PTPN13: variants seen among roughly 807,000 people sequenced by gnomAD.
The protein encoded by PTPN13 is protein tyrosine phosphatase non-receptor type 13.
A neutral mutation model predicts 284.0 loss-of-function variants in PTPN13; 191 were observed. The observed-to-expected ratio is 0.67, with a 90% CI of 0.60 to 0.76. The LOEUF (loss-of-function observed/expected upper bound fraction) is 0.76, where lower values mean the gene tolerates loss of function less well. Among genes scored for constraint, PTPN13 ranks in the 30% least tolerant of loss-of-function variants. PTPN13 has a pLI of 0.00. For missense variants in PTPN13, 2,797 were observed against 2,939.9 expected, an observed-to-expected ratio of 0.95 and a Z score of 1.12; for synonymous variants, 986 against 1,022.3, an observed-to-expected ratio of 0.96 and a Z score of 0.68.
At chr4:86,757,994 T>C (rs1738181122) in intron 20 of PTPN13, among the ~76,000 whole-genome samples, 1 of 152,224 alleles carries the variant, frequency 6.6e-6, no homozygotes, top group African/African-American at 2.4e-5. Flanking sequence ...TCATTTAACC[T>C]ATTGAGGTTT....
At position 86,747,340 on chromosome 4, in the gene PTPN13, A is replaced by G. The variant is rs551773001; in HGVS notation, c.2650+2212A>G. Among the ~76,000 whole-genome samples, 203 of 152,352 alleles carry G rather than the reference A, an allele frequency of 1.3e-3. 1 individual carries two copies. In the South Asian group the frequency reaches 0.016, roughly 12 times the overall value. ...ATGATTGCCATAAGATAATACCTAT[A>G]TCAGAAAGTTGTGAAAAGGAAATGA... On this transcript the variant is annotated intron_variant, in intron 17 of 47. Coordinates refer to ENST00000411767, the MANE Select transcript of PTPN13 (RefSeq NM_080683.3).
intron 47 of PTPN13, among the ~76,000 whole-genome samples, chr4:86,812,408 G>A (rs187607186): frequency 2.0e-5 from 3 of 151,870 alleles, no homozygotes; most frequent in Admixed American, 6.6e-5. Context: ...AGATATTCTT[G>A]CAGGATACTG....
chr4:86,625,793 A>G (rs1721771148), intron 1 of PTPN13, among the ~76,000 whole-genome samples: 1 of 152,164 alleles, frequency 6.6e-6, no homozygotes, highest in African/African-American at 2.4e-5. Flanking sequence ...TACAACGTGA[A>G]AGGAATCTTG....
intron 7 of PTPN13, among the ~76,000 whole-genome samples, chr4:86,705,335 A>G (rs1201062143): frequency 6.8e-6 from 1 of 146,072 alleles, no homozygotes; most frequent in Non-Finnish European, 1.5e-5. Flanking sequence ...CTCCGTCTCA[A>G]AAAAAAAAAA....
At chr4:86,737,971 G>A (rs1425704620) in intron 15 of PTPN13, among the ~76,000 whole-genome samples, 1 of 152,046 alleles carries the variant, frequency 6.6e-6, no homozygotes, top group Non-Finnish European at 1.5e-5. Context: ...CTTGTGATCC[G>A]CCCACCTTGG....
intron 40 of PTPN13, among the ~76,000 whole-genome samples, chr4:86,791,730 AC>A (rs1742697131): frequency 6.6e-6 from 1 of 152,218 alleles, no homozygotes; most frequent in East Asian, 1.9e-4. Flanking sequence ...TCTGGAGTGG[AC>A]CTCCAGCAAA....
chr4:86,673,174 C>T (rs1200264674), intron 3 of PTPN13, among the ~76,000 whole-genome samples: 1 of 152,074 alleles, frequency 6.6e-6, no homozygotes, highest in Non-Finnish European at 1.5e-5. Context: ...GGCCATGGGA[C>T]TGGTATGGGG....
rs771948176 is a variant in PTPN13, at chr4:86,735,744, A to G, written c.2302A>G (p.Lys768Glu). Residue 768 changes from lysine to glutamate, a missense_variant and splice_region_variant, in exon 15 of 48, where the codon AAG (lysine) becomes GAG (glutamate). Transcript: ENST00000411767. ...AAAAGAGACAGAGTTAGAATTTTTA[A>G]AGGTAAGCATCCAAGATTACAAATG... is the stretch of plus-strand genomic sequence containing the variant. ...SEKETELEFL[K>E]VCQRLTEYGV... 18 of 1,608,514 alleles carry G rather than the reference A, an allele frequency of 1.1e-5. No homozygotes were observed. In the South Asian group the frequency reaches 1.8e-4, roughly 16 times the overall value.
intron 2 of PTPN13, among the ~76,000 whole-genome samples, chr4:86,656,861 G>A (rs566087638): frequency 6.8e-4 from 103 of 152,324 alleles, no homozygotes; most frequent in African/African-American, 2.4e-3. Context: ...CTTGAGCTGG[G>A]GTGGGCTCCA....
At chr4:86,606,379 A>G (rs925907920) in intron 1 of PTPN13, among the ~76,000 whole-genome samples, 1 of 151,830 alleles carries the variant, frequency 6.6e-6, no homozygotes, top group African/African-American at 2.4e-5. Flanking sequence ...AGTTGGTTTT[A>G]TATTTGCCCC....
chr4:86,688,945 C>A, intron 4 of PTPN13, 60 bp from the exon 5 acceptor site: 1 of 1,339,074 alleles, frequency 7.5e-7, no homozygotes. Context: ...AATGATTTGT[C>A]TCATTAGAAA....
Position 86,756,920 on chromosome 4 carries a change from A to G in PTPN13, c.3224-1340A>G, listed in dbSNP as rs1222816783. ...AGTGAAACCAAAACCTCTAATTTTCAGAAAGCTTCAATATAGTTGAGAAGT... is the reference window on the plus strand; with the variant it reads ...AGTGAAACCAAAACCTCTAATTTTCGGAAAGCTTCAATATAGTTGAGAAGT... On this transcript the variant is annotated intron_variant, in intron 20 of 47. Coordinates refer to ENST00000411767, the MANE Select transcript of PTPN13 (RefSeq NM_080683.3). Among the ~76,000 whole-genome samples, 6 of 152,326 alleles carry G rather than the reference A, an allele frequency of 3.9e-5. No individual in the cohort carries two copies. The East Asian group carries it at 7.7e-4, about 20-fold the overall frequency.
intron 7 of PTPN13, among the ~76,000 whole-genome samples, chr4:86,714,769 T>A (rs1459718084): frequency 6.6e-6 from 1 of 152,180 alleles, no homozygotes; most frequent in East Asian, 1.9e-4. Context: ...CATTTTGTGC[T>A]TGCTATGTAC....
intron 6 of PTPN13, among the ~76,000 whole-genome samples, chr4:86,695,650 CTT>C (rs1435701789): frequency 6.6e-6 from 1 of 151,860 alleles, no homozygotes; most frequent in East Asian, 1.9e-4. Context: ...TTCTCCCTCT[CTT>C]TCTTTGCTCT....
intron 9 of PTPN13, among the ~76,000 whole-genome samples, 161 bp downstream of exon 9, chr4:86,717,278 T>A (rs1733143945): frequency 6.6e-6 from 1 of 151,412 alleles, no homozygotes; most frequent in African/African-American, 2.4e-5. Context: ...AACCTCCTTC[T>A]CCCAGGTTCA....
At chr4:86,686,133 G>A (rs1269241565) in intron 3 of PTPN13, among the ~76,000 whole-genome samples, 2 of 152,194 alleles carry the variant, frequency 1.3e-5, no homozygotes, top group East Asian at 1.9e-4. Context: ...AGGCTAAGGC[G>A]GACAGATTAC....
intron 31 of PTPN13, among the ~76,000 whole-genome samples, chr4:86,772,408 G>T (rs1307351585): frequency 6.6e-6 from 1 of 152,024 alleles, no homozygotes; most frequent in Non-Finnish European, 1.5e-5. Context: ...ACAAAAATTA[G>T]TTGGGCATGG....
chr4:86,603,823 C>T (rs3898298), intron 1 of PTPN13, among the ~76,000 whole-genome samples: 2 of 152,098 alleles, frequency 1.3e-5, no homozygotes, highest in African/African-American at 2.4e-5. Flanking sequence ...GTACCTCGAC[C>T]TAGTGGATAT....
intron 7 of PTPN13, among the ~76,000 whole-genome samples, chr4:86,711,244 G>A (rs749577599): frequency 6.6e-6 from 1 of 151,636 alleles, no homozygotes; most frequent in Non-Finnish European, 1.5e-5. Context: ...AAACTCCTGG[G>A]CTCGATCAAT....
Sources: allele counts gnomAD v4.1 joint callset (sites outside exome capture counted in the v4.1 genomes callset), GRCh38; gene constraint gnomAD v4.1.1; transcripts MANE v1.5; gene names NCBI Gene and HGNC (gene_info 2026-07-23, HGNC 2026-07-21).